MAGI1: variants seen among roughly 807,000 people sequenced by gnomAD.
MAGI1 encodes membrane associated guanylate kinase, WW and PDZ domain containing 1.
In MAGI1, 58 loss-of-function variants were observed where a neutral mutation model predicts 139.9. The observed-to-expected ratio is 0.41, with a 90% CI of 0.34 to 0.52. MAGI1 has a LOEUF of 0.52. MAGI1 is among the 20% of genes least tolerant of loss of function. The pLI is 0.12. For missense variants in MAGI1, 1,874 were observed against 1,901.6 expected (o/e 0.99, Z 0.27); for synonymous variants, 812 against 737.9 (o/e 1.10, Z -1.63).
intron 1 of MAGI1, among the ~76,000 whole-genome samples, chr3:65,722,239 T>G (rs1042333070): frequency 6.6e-6 from 1 of 152,208 alleles, no homozygotes; most frequent in Non-Finnish European, 1.5e-5. Flanking sequence ...ACAGTTGATT[T>G]GTCACTATCC....
intron 1 of MAGI1, among the ~76,000 whole-genome samples, chr3:65,859,262 G>A (rs190904790): frequency 1.3e-5 from 2 of 152,024 alleles, no homozygotes; most frequent in African/African-American, 4.8e-5. Context: ...GAACCCAGGA[G>A]GTACCTGGGT....
At chr3:65,544,924 C>T (rs2079426876) in intron 2 of MAGI1, among the ~76,000 whole-genome samples, 1 of 152,076 alleles carries the variant, frequency 6.6e-6, no homozygotes, top group Non-Finnish European at 1.5e-5. Flanking sequence ...TATAAACAGC[C>T]ACATGCATGT....
chr3:65,859,022 G>A (rs1006046593), intron 1 of MAGI1, among the ~76,000 whole-genome samples: 2 of 152,162 alleles, frequency 1.3e-5, no homozygotes, highest in Admixed American at 1.3e-4. Flanking sequence ...GCCAGATATT[G>A]TGCTATGTGC....
chr3:65,374,625 A>C (rs1335326998), intron 18 of MAGI1, among the ~76,000 whole-genome samples: 1 of 152,090 alleles, frequency 6.6e-6, no homozygotes, highest in Non-Finnish European at 1.5e-5. Context: ...GCCTCAACTT[A>C]ATTTTTATTA....
chr3:65,444,513 A>G (rs1285691803), intron 7 of MAGI1, among the ~76,000 whole-genome samples: 1 of 152,162 alleles, frequency 6.6e-6, no homozygotes, highest in African/African-American at 2.4e-5. Flanking sequence ...ATGTGGCCTG[A>G]TTATCTTTAG....
chr3:65,651,830 T>C (rs892170943), intron 1 of MAGI1, among the ~76,000 whole-genome samples: 2 of 152,118 alleles, frequency 1.3e-5, no homozygotes, highest in African/African-American at 4.8e-5. Context: ...GTCAACCTTC[T>C]CCCCACTCAT....
intron 1 of MAGI1, among the ~76,000 whole-genome samples, chr3:65,924,711 C>T (rs1019880447): frequency 6.6e-6 from 1 of 152,198 alleles, no homozygotes; most frequent in African/African-American, 2.4e-5. Context: ...AACCCCACAT[C>T]CCACACTGCC....
intron 2 of MAGI1, among the ~76,000 whole-genome samples, chr3:65,540,726 G>C (rs137880310): frequency 6.6e-6 from 1 of 152,176 alleles, no homozygotes; most frequent in African/African-American, 2.4e-5. Context: ...AGAGGTTTTA[G>C]TTCATACACA....
chr3:65,998,451 G>A (rs747046182), intron 1 of MAGI1, among the ~76,000 whole-genome samples: 3 of 152,176 alleles, frequency 2.0e-5, no homozygotes, highest in South Asian at 4.1e-4. Flanking sequence ...CAAATGAAAA[G>A]ACTCAACTTG....
chr3:65,644,648 C>T (rs2085160827), intron 1 of MAGI1, among the ~76,000 whole-genome samples: 1 of 151,890 alleles, frequency 6.6e-6, no homozygotes, highest in Non-Finnish European at 1.5e-5. Flanking sequence ...TTGATAGGCT[C>T]GACAAGAAAA....
chr3:65,602,712 T>C (rs577212389), intron 2 of MAGI1, among the ~76,000 whole-genome samples: 29 of 152,162 alleles, frequency 1.9e-4, no homozygotes, highest in Admixed American at 1.2e-3. Flanking sequence ...AATAAAACTA[T>C]TTTTAAAAGG....
At chr3:65,959,218 G>A (rs1476533385) in intron 1 of MAGI1, among the ~76,000 whole-genome samples, 1 of 152,132 alleles carries the variant, frequency 6.6e-6, no homozygotes, top group Non-Finnish European at 1.5e-5. Flanking sequence ...CTCACCTCAA[G>A]CTTACTGCAT....
chr3:66,014,147 A>G (rs2067496211), intron 1 of MAGI1, among the ~76,000 whole-genome samples: 1 of 152,132 alleles, frequency 6.6e-6, no homozygotes, highest in African/African-American at 2.4e-5. Flanking sequence ...CACATAATTC[A>G]CCATCCAAAG....
chr3:65,942,519 G>T (rs2063360770), intron 1 of MAGI1, among the ~76,000 whole-genome samples: 1 of 152,146 alleles, frequency 6.6e-6, no homozygotes, highest in African/African-American at 2.4e-5. Flanking sequence ...ATATAAAAGG[G>T]TTGGCTCCCT....
At chr3:65,968,015 C>A (rs781116685) in intron 1 of MAGI1, among the ~76,000 whole-genome samples, 1 of 152,078 alleles carries the variant, frequency 6.6e-6, no homozygotes, top group African/African-American at 2.4e-5. Flanking sequence ...TGGTGCTGTA[C>A]GGAATGTAAT....
rs564234292 is a variant in MAGI1 at position 65,892,484 on chromosome 3, G to A, written c.313+145512C>T. On this transcript the variant is annotated intron_variant, in intron 1 of 22. Coordinates refer to ENST00000402939, the MANE Select transcript of MAGI1 (RefSeq NM_001033057.2). ...AACATTTTATTAAGTGGCATACAAG[G>A]CATTCTTGTGTTTATTTTTTAGAAA... is the stretch of plus-strand genomic sequence containing the variant. 1.2e-4 allele frequency among the ~76,000 whole-genome samples: 18 copies of A among 152,188 alleles called. No homozygotes were observed. The South Asian group carries it at 3.5e-3, about 30-fold the overall frequency.
intron 1 of MAGI1, among the ~76,000 whole-genome samples, chr3:65,930,347 T>C (rs1010329031): frequency 1.0e-4 from 14 of 134,662 alleles, no homozygotes; most frequent in African/African-American, 2.3e-4. Context: ...AAAAATGTTA[T>C]TTGTATCTAA....
intron 2 of MAGI1, among the ~76,000 whole-genome samples, chr3:65,602,601 C>T (rs1030670435): frequency 1.3e-5 from 2 of 151,950 alleles, no homozygotes; most frequent in Non-Finnish European, 2.9e-5. Flanking sequence ...GTGATAAAAA[C>T]ATTCTATAAT....
intron 1 of MAGI1, among the ~76,000 whole-genome samples, chr3:65,832,637 C>T (rs558069175): frequency 6.6e-6 from 1 of 152,160 alleles, no homozygotes; most frequent in African/African-American, 2.4e-5. Context: ...GTTTTGGAGC[C>T]ATTCATTTTT....
Sources: allele counts gnomAD v4.1 joint callset (sites outside exome capture counted in the v4.1 genomes callset), GRCh38; gene constraint gnomAD v4.1.1; transcripts MANE v1.5; gene names NCBI Gene and HGNC (gene_info 2026-07-23, HGNC 2026-07-21).